The following UBTD1 variants were observed in gnomAD, a reference collection of about 807,000 sequenced individuals.
The protein encoded by UBTD1 is ubiquitin domain containing 1.
In UBTD1, 19 loss-of-function variants were observed where a neutral mutation model predicts 21.7. That is an observed-to-expected ratio of 0.87 (90% CI 0.61 to 1.28). UBTD1 has a LOEUF of 1.28. Ranked by LOEUF, UBTD1 falls within the 50% of genes most tolerant of loss-of-function variation. UBTD1 has a pLI of 0.00. For missense variants in UBTD1, 282 were observed against 315.1 expected (o/e 0.89, Z 0.80); for synonymous variants, 116 against 135.1 (o/e 0.86, Z 0.98).
At chr10:97,517,406 C>T (rs920727086) in intron 1 of UBTD1, among the ~76,000 whole-genome samples, 54 of 152,192 alleles carry the variant, frequency 3.5e-4, no homozygotes, top group African/African-American at 1.3e-3. Context: ...GAGAATGGCT[C>T]CTGGGCCCAC....
chr10:97,515,721 A>G (rs932344633), intron 1 of UBTD1, among the ~76,000 whole-genome samples: 10 of 152,058 alleles, frequency 6.6e-5, no homozygotes, highest in African/African-American at 2.2e-4. Flanking sequence ...CTCCAGCCAC[A>G]CTCAGATGTA....
rs937926073 is a variant in UBTD1 at position 97,570,553 on chromosome 10, C to T, written c.*30C>T. 35 of 1,561,678 alleles carry T rather than the reference C, an allele frequency of 2.2e-5. No individual in the cohort carries two copies. The highest frequency in any genetic ancestry group is 3.5e-5 in the South Asian group (3 of 84,794). On this transcript the variant is annotated 3_prime_UTR_variant, in exon 3 of 3. Transcript: ENST00000370664. The surrounding 1 kb of genome is among the most constrained non-coding windows in gnomAD (Gnocchi z 6.6). ...CCCACGGACCCCTGGGAAGAGGCCC[C>T]GCCTGGAGCACTAGGCCCCCACCCT...
chr10:97,522,475 T>G (rs748310931), intron 1 of UBTD1, among the ~76,000 whole-genome samples: 2 of 152,218 alleles, frequency 1.3e-5, no homozygotes, highest in African/African-American at 2.4e-5. Flanking sequence ...TTTCCTGTTA[T>G]AGCTCTTGGG....
At chr10:97,532,798 A>ACAAG (rs1554865648) in intron 1 of UBTD1, among the ~76,000 whole-genome samples, 1 of 148,942 alleles carries the variant, frequency 6.7e-6, no homozygotes, top group Non-Finnish European at 1.5e-5. Context: ...CTCAAAAAAA[A>ACAAG]AAAGAAAGAA....
intron 1 of UBTD1, among the ~76,000 whole-genome samples, chr10:97,503,015 C>A (rs117103624): frequency 0.015 from 2,285 of 151,612 alleles, 28 homozygotes; most frequent in Non-Finnish European, 0.024. Context: ...CTCCTGAGCT[C>A]AAGTGATCCT....
chr10:97,537,182 A>G (rs899633359), intron 1 of UBTD1, among the ~76,000 whole-genome samples: 1 of 152,078 alleles, frequency 6.6e-6, no homozygotes, highest in African/African-American at 2.4e-5. Flanking sequence ...TCTTAAACAC[A>G]GTGGGTACGC....
chr10:97,539,924 G>A (rs906246403), intron 1 of UBTD1, among the ~76,000 whole-genome samples: 5 of 23,080 alleles, frequency 2.2e-4, no homozygotes, highest in African/African-American at 2.6e-4. Flanking sequence ...AAATAGCTGG[G>A]ATGCCTGTGC....
In UBTD1 at chr10:97,558,094, A is replaced by G. The variant is rs2040673589; in HGVS notation, c.71-9820A>G. ...GAGCAGGGCTTGTCGTCTTCTTCAGAGTCACTTTGCAGGGGTTGGCGAAGC... is the reference window on the plus strand; with the variant it reads ...GAGCAGGGCTTGTCGTCTTCTTCAGGGTCACTTTGCAGGGGTTGGCGAAGC... On this transcript the variant is annotated intron_variant, in intron 1 of 2. Coordinates refer to ENST00000370664, the MANE Select transcript of UBTD1 (RefSeq NM_024954.5). Among the ~76,000 whole-genome samples the G allele has an allele frequency of 5.3e-5, 8 of 151,824 alleles. No homozygotes were observed. The South Asian group carries it at 1.7e-3, about 32-fold the overall frequency.
chr10:97,509,639 C>T (rs1350911049), intron 1 of UBTD1, among the ~76,000 whole-genome samples: 3 of 152,084 alleles, frequency 2.0e-5, no homozygotes, highest in Admixed American at 1.3e-4. Context: ...AAGGGCTGGC[C>T]ATGAATTTCC....
chr10:97,565,654 A>G (rs2040714059), intron 1 of UBTD1, among the ~76,000 whole-genome samples: 1 of 152,134 alleles, frequency 6.6e-6, no homozygotes, highest in African/African-American at 2.4e-5. Context: ...TGTCTCTCAA[A>G]CAGAAAAAAG....
Position 97,527,171 on chromosome 10 carries a change from CAAAAAAAAAA to C in UBTD1, c.70+27912_70+27921del, listed in dbSNP as rs34756643. The stretch of plus-strand genomic sequence containing the variant: ...GGCAACAAAGCGAAACTCTTGTCTC[CAAAAAAAAAA>C]AAAAAAAAAAAAAGCCTGCCTTGGC... On this transcript the variant is annotated intron_variant, in intron 1 of 2. Coordinates refer to ENST00000370664, the MANE Select transcript of UBTD1 (RefSeq NM_024954.5). 3.1e-4 allele frequency among the ~76,000 whole-genome samples: 21 copies of C among 66,712 alleles called. No individual in the cohort carries two copies. In the South Asian group the frequency reaches 9.6e-3, roughly 30 times the overall value. 43.8% of individuals were successfully genotyped at this position (66,712 alleles called of 152,430 possible).
intron 1 of UBTD1, among the ~76,000 whole-genome samples, chr10:97,501,809 T>C (rs1270733559): frequency 6.6e-6 from 1 of 152,150 alleles, no homozygotes; most frequent in East Asian, 1.9e-4. Context: ...TCATTTCAAG[T>C]GCCGTGCCTT....
chr10:97,528,839 G>T (rs1385305216), intron 1 of UBTD1, among the ~76,000 whole-genome samples: 3 of 144,616 alleles, frequency 2.1e-5, no homozygotes, highest in African/African-American at 7.6e-5. Flanking sequence ...TTCCCAGTAG[G>T]GGCGGCCGGG....
chr10:97,562,920 G>T (rs891260652), intron 1 of UBTD1, among the ~76,000 whole-genome samples: 2 of 151,898 alleles, frequency 1.3e-5, no homozygotes, highest in African/African-American at 2.4e-5. Flanking sequence ...CGAAAATTTT[G>T]GGGGGTGGTA....
At chr10:97,538,593 G>T (rs1270909419) in intron 1 of UBTD1, among the ~76,000 whole-genome samples, 2 of 152,176 alleles carry the variant, frequency 1.3e-5, no homozygotes, top group African/African-American at 4.8e-5. Context: ...TGCCATGCTC[G>T]TCTGGACGTC....
At chr10:97,545,202 A>G (rs1312275598) in intron 1 of UBTD1, among the ~76,000 whole-genome samples, 1 of 151,624 alleles carries the variant, frequency 6.6e-6, no homozygotes, top group Non-Finnish European at 1.5e-5. Context: ...TTACCTGGGC[A>G]TGGTGGTAGG....
intron 1 of UBTD1, among the ~76,000 whole-genome samples, chr10:97,545,925 C>T (rs2040608781): frequency 1.3e-5 from 2 of 152,220 alleles, no homozygotes; most frequent in Non-Finnish European, 1.5e-5. Context: ...GCTGGGACTA[C>T]AGGCATGTGC....
chr10:97,560,737 A>T (rs116257605), intron 1 of UBTD1, among the ~76,000 whole-genome samples: 5,050 of 150,496 alleles, frequency 0.034, 295 homozygotes, highest in African/African-American at 0.12. Context: ...CTTCCTTGAA[A>T]TTTTTTTTTT....
At chr10:97,511,937 C>G (rs781135555) in intron 1 of UBTD1, among the ~76,000 whole-genome samples, 19 of 152,240 alleles carry the variant, frequency 1.2e-4, no homozygotes, top group Non-Finnish European at 2.2e-4. Flanking sequence ...TGTTGAGACA[C>G]TTGCTCATGA....
Sources: allele counts gnomAD v4.1 joint callset (sites outside exome capture counted in the v4.1 genomes callset), GRCh38; gene constraint gnomAD v4.1.1; non-coding constraint Gnocchi (gnomAD v3.1); transcripts MANE v1.5; gene names NCBI Gene and HGNC (gene_info 2026-07-23, HGNC 2026-07-21).